The following MCTP1 variants were observed in gnomAD, a reference collection of about 807,000 sequenced individuals.
MCTP1 encodes multiple C2 and transmembrane domain containing 1, also known as multiple C2 and transmembrane domain-containing protein 1.
In MCTP1, 69 loss-of-function variants were observed where a neutral mutation model predicts 120.6. The observed-to-expected ratio is 0.57, with a 90% CI of 0.47 to 0.70. The LOEUF (loss-of-function observed/expected upper bound fraction) is 0.70. MCTP1 is among the 30% of genes least tolerant of loss of function. MCTP1 has a pLI of 0.00. For synonymous variants in MCTP1, 529 were observed against 493.1 expected (o/e 1.07, Z -0.96); for missense variants, 1,203 against 1,248.8 (o/e 0.96, Z 0.55).
At chr5:95,010,467 A>G (rs531546706) in intron 2 of MCTP1, among the ~76,000 whole-genome samples, 1 of 152,304 alleles carries the variant, frequency 6.6e-6, no homozygotes, top group South Asian at 2.1e-4. Flanking sequence ...AAGTGACATA[A>G]TACTATCTAT....
Position 95,111,887 on chromosome 5 carries a change from A to C in MCTP1, c.721-94403T>G, listed in dbSNP as rs568939846. Among the ~76,000 whole-genome samples, 5 of 152,240 alleles carry C rather than the reference A, an allele frequency of 3.3e-5. No homozygotes were observed. The South Asian group carries it at 1.0e-3, about 32-fold the overall frequency. ...CTCCCTTTATCTGTGTACCTTTTAT[A>C]GCACTGATTACTCTCTAGCTGGTTT... is the stretch of plus-strand genomic sequence containing the variant. On this transcript the variant is annotated intron_variant, in intron 1 of 22. Coordinates refer to ENST00000515393, the MANE Select transcript of MCTP1 (RefSeq NM_024717.7).
intron 1 of MCTP1, among the ~76,000 whole-genome samples, chr5:95,179,955 T>C (rs139986824): frequency 6.6e-6 from 1 of 152,272 alleles, no homozygotes; most frequent in African/African-American, 2.4e-5. Context: ...GAAAAAGATA[T>C]TCCATTCAAA....
At chr5:95,071,001 A>G (rs1373239275) in intron 1 of MCTP1, among the ~76,000 whole-genome samples, 7 of 152,164 alleles carry the variant, frequency 4.6e-5, no homozygotes, top group African/African-American at 1.7e-4. Flanking sequence ...CCTGTTCCCA[A>G]GATGAGGAGG....
chr5:94,823,466 G>A (rs778814332), intron 17 of MCTP1, among the ~76,000 whole-genome samples: 3 of 152,182 alleles, frequency 2.0e-5, no homozygotes, highest in Non-Finnish European at 4.4e-5. Context: ...ATAGTTTGAA[G>A]TCAGGTAGCA....
At chr5:94,903,236 A>G (rs1357757924) in intron 10 of MCTP1, among the ~76,000 whole-genome samples, 2 of 152,178 alleles carry the variant, frequency 1.3e-5, no homozygotes, top group Non-Finnish European at 2.9e-5. Flanking sequence ...TTTCAGATTA[A>G]TAATGCAGTA....
At chr5:94,729,988 G>A in intron 19 of MCTP1, among the ~76,000 whole-genome samples, 1 of 152,184 alleles carries the variant, frequency 6.6e-6, no homozygotes, top group Non-Finnish European at 1.5e-5. Context: ...AAACAAGATA[G>A]TTAGGAGGCT....
chr5:94,893,431 A>G (rs1262719832), intron 11 of MCTP1, among the ~76,000 whole-genome samples: 2 of 152,218 alleles, frequency 1.3e-5, no homozygotes, highest in African/African-American at 2.4e-5. Flanking sequence ...AATCTTCATA[A>G]CTGCAATTAT....
At chr5:95,015,979 G>A (rs186492243) in intron 2 of MCTP1, among the ~76,000 whole-genome samples, 295 of 152,108 alleles carry the variant, frequency 1.9e-3, no homozygotes, top group African/African-American at 6.1e-3. Context: ...AGTTGTATAC[G>A]CTGTAAATAT....
intron 1 of MCTP1, among the ~76,000 whole-genome samples, chr5:95,072,777 G>A (rs541898215): frequency 6.6e-4 from 74 of 111,850 alleles, no homozygotes; most frequent in African/African-American, 2.2e-3. Flanking sequence ...ATGGAGTCTC[G>A]CTCTGTCGCC....
chr5:94,845,611 C>T lies in MCTP1; in HGVS notation c.2436+22722G>A, dbSNP rs1268666770. Among the ~76,000 whole-genome samples the T allele has an allele frequency of 5.9e-5, 9 of 152,232 alleles. No homozygotes were observed. In the East Asian group the frequency reaches 1.5e-3, roughly 26 times the overall value. The stretch of plus-strand genomic sequence containing the variant: ...CCAGGCTGGAGTGCAATGGCATGAT[C>T]TCAGCTCACTGCAACCTCCCCTTCC... On this transcript the variant is annotated intron_variant, in intron 17 of 22. Transcript: ENST00000515393.
At chr5:94,988,597 GTTTT>G (rs752489135) in intron 2 of MCTP1, among the ~76,000 whole-genome samples, 1 of 117,480 alleles carries the variant, frequency 8.5e-6, no homozygotes, top group Non-Finnish European at 1.8e-5. Context: ...CCCTGTGTGT[GTTTT>G]TTTTTTTTTT....
At chr5:95,216,943 AAAG>A (rs1263326068) in intron 1 of MCTP1, among the ~76,000 whole-genome samples, 2 of 152,318 alleles carry the variant, frequency 1.3e-5, no homozygotes, top group East Asian at 1.9e-4. Context: ...TGCTAAATAA[AAAG>A]AAGATTTAAA....
chr5:95,109,514 T>C (rs1757311133), intron 1 of MCTP1, among the ~76,000 whole-genome samples: 2 of 152,104 alleles, frequency 1.3e-5, no homozygotes, highest in Admixed American at 6.6e-5. Context: ...ATGACTTCTG[T>C]CCCTTTAAAT....
rs1217017870 is a variant in MCTP1 at position 94,832,959 on chromosome 5, A to C, written c.2437-33827T>G. Among the ~76,000 whole-genome samples, 95 of 152,230 alleles carry C rather than the reference A, an allele frequency of 6.2e-4. 1 individual carries two copies. The highest frequency in any genetic ancestry group is 1.5e-5 in the Non-Finnish European group (1 of 68,042). ...ACCCTACAACAGGGTGGGTAGAGATAATGAGATAACCACACACCACAAGTG... is the reference window on the plus strand; with the variant it reads ...ACCCTACAACAGGGTGGGTAGAGATCATGAGATAACCACACACCACAAGTG... On this transcript the variant is annotated intron_variant, in intron 17 of 22. Coordinates refer to ENST00000515393, the MANE Select transcript of MCTP1 (RefSeq NM_024717.7).
At chr5:95,202,212 A>G (rs1035214010) in intron 1 of MCTP1, among the ~76,000 whole-genome samples, 1 of 152,302 alleles carries the variant, frequency 6.6e-6, no homozygotes, top group African/African-American at 2.4e-5. Flanking sequence ...GAGCTGGAAC[A>G]CTGGAACACT....
At chr5:95,151,673 A>T (rs1285361246) in intron 1 of MCTP1, among the ~76,000 whole-genome samples, 2 of 152,004 alleles carry the variant, frequency 1.3e-5, no homozygotes, top group Non-Finnish European at 2.9e-5. Context: ...ATTTCAACCA[A>T]TTTTTCCACT....
At chr5:94,983,194 A>T (rs1445770774) in intron 2 of MCTP1, among the ~76,000 whole-genome samples, 1 of 152,144 alleles carries the variant, frequency 6.6e-6, no homozygotes, top group African/African-American at 2.4e-5. Context: ...TCTGAGCTCC[A>T]GGTGAGAGCT....
intron 15 of MCTP1, 82 bp downstream of exon 15, chr5:94,870,790 G>A (rs1797710288): frequency 5.9e-6 from 6 of 1,018,702 alleles, no homozygotes; most frequent in Non-Finnish European, 9.2e-6. Context: ...AGGAATGACA[G>A]AAATTCTCTA....
chr5:94,759,366 T>C (rs1317287968), intron 19 of MCTP1, among the ~76,000 whole-genome samples: 2 of 152,204 alleles, frequency 1.3e-5, no homozygotes, highest in Non-Finnish European at 2.9e-5. Flanking sequence ...CCACTGGGAA[T>C]GCTACCTACC....
Sources: gnomAD v4.1 joint callset for allele counts (sites outside exome capture counted in the v4.1 genomes callset) on GRCh38, gnomAD v4.1.1 for gene constraint, MANE v1.5 for transcripts, NCBI Gene and HGNC (gene_info 2026-07-23, HGNC 2026-07-21) for gene names.